The following MEGF8 variants were observed in gnomAD, a reference collection of about 807,000 sequenced individuals.
The protein encoded by MEGF8 is multiple EGF like domains 8, also known as multiple epidermal growth factor-like domains protein 8.
Under a neutral mutation model 302.9 loss-of-function variants are expected in MEGF8, and 156 were observed. The observed-to-expected ratio is 0.52, with a 90% CI of 0.45 to 0.59. The LOEUF (loss-of-function observed/expected upper bound fraction) is 0.59. MEGF8 is among the 20% of genes least tolerant of loss of function. MEGF8 has a pLI of 0.00. For missense variants in MEGF8, 3,345 were observed against 3,964.5 expected, an observed-to-expected ratio of 0.84 and a Z score of 4.20; for synonymous variants, 1,621 against 1,660.5, an observed-to-expected ratio of 0.98 and a Z score of 0.58.
chr19:42,333,920 C>G, intron 2 of MEGF8, 87 bp from the exon 3 acceptor site: 4 of 1,524,370 alleles, frequency 2.6e-6, no homozygotes, highest in Non-Finnish European at 3.6e-6. Flanking sequence ...CTGGGTCCCC[C>G]AGGGTGGAAG....
At chr19:42,341,404 G>A (rs1163844260) in intron 8 of MEGF8, among the ~76,000 whole-genome samples, 2 of 147,830 alleles carry the variant, frequency 1.4e-5, no homozygotes, top group Non-Finnish European at 3.0e-5. Context: ...ACTCCAGCCT[G>A]GGTAACAGAG....
intron 8 of MEGF8, among the ~76,000 whole-genome samples, chr19:42,338,825 A>ATTTTT (rs55994617): frequency 1.7e-4 from 8 of 47,160 alleles, no homozygotes; most frequent in Non-Finnish European, 2.2e-4. Flanking sequence ...CTTTCTATGT[A>ATTTTT]TTTTTTTTTT....
chr19:42,326,389 G>A lies in MEGF8; in HGVS notation c.146G>A (p.Gly49Asp). The part of the protein sequence containing the change: ...EAPGFVTDGA[G>D]NYSVNGNCEW... ...CCAGGCTTCGTGACGGATGGTGCGG[G>A]CAACTACAGCGTCAATGGCAACTGC... Residue 49 changes from glycine (G) to aspartate (D), a missense_variant, in exon 1 of 42, where the codon GGC becomes GAC. Physicochemically the swap from Gly to Asp is moderately conservative, Grantham distance 94 (BLOSUM62 -1). Coordinates refer to ENST00000251268, the MANE Select transcript of MEGF8 (RefSeq NM_001271938.2). The A allele has an allele frequency of 1.9e-6, 3 of 1,581,478 alleles. No homozygotes were observed. The highest frequency in any genetic ancestry group is 2.6e-6 in the Non-Finnish European group (3 of 1,166,860).
At position 42,356,591 on chromosome 19, in the gene MEGF8, A is replaced by G; in HGVS notation, c.4622+138A>G. 1.0e-6 allele frequency: 1 copy of G among 958,772 alleles called. No individual in the cohort carries two copies. The highest frequency in any genetic ancestry group is 1.5e-6 in the Non-Finnish European group (1 of 659,950). 59.4% of individuals were successfully genotyped at this position (958,772 alleles called of 1,614,324 possible). On this transcript the variant is annotated intron_variant, in intron 26 of 41. Coordinates refer to ENST00000251268, the MANE Select transcript of MEGF8 (RefSeq NM_001271938.2). This position sits in a 1 kb window ranked among gnomAD's most constrained non-coding sequence, Gnocchi z 5.2. Reference sequence around the variant, plus strand: ...AGGATGCTGGGACACTTGTCACAGGAAGCTCACCCGGGGACACTTGGGGAC... The same window carrying G: ...AGGATGCTGGGACACTTGTCACAGGGAGCTCACCCGGGGACACTTGGGGAC...
At position 42,357,372 on chromosome 19, in the gene MEGF8, C is replaced by T. The variant is rs778541121; in HGVS notation, c.4831-32C>T. 6.2e-7 allele frequency: 1 copy of T among 1,607,098 alleles called. No individual in the cohort carries two copies. The highest frequency in any genetic ancestry group is 1.1e-5 in the South Asian group (1 of 90,506). ...CACAAGGTGACCCCTGACCTCTAGC[C>T]CCATCGGTGACCTTGCCCCTCCATC... On this transcript the variant is annotated intron_variant, in intron 27 of 41. Transcript: ENST00000251268. This position sits in a 1 kb window ranked among gnomAD's most constrained non-coding sequence, Gnocchi z 5.2.
chr19:42,375,914 C>G lies in MEGF8; in HGVS notation c.7677C>G (p.Gly2559=), dbSNP rs759892500. ...GAGCAGGGGCCAGCAGTGGGCCGGG[C>G]GCCCCAGCAGAGCCACGGGTACGGG... ...PGGAGASSGP[G]APAEPRVREV... The change falls in exon 42 of 42, where the codon GGC becomes GGG. Residue 2559 remains glycine, a synonymous_variant. Coordinates refer to ENST00000251268, the MANE Select transcript of MEGF8 (RefSeq NM_001271938.2). The surrounding 1 kb of genome is among the most constrained non-coding windows in gnomAD (Gnocchi z 7.1). 1 of 1,598,436 alleles carries G rather than the reference C, an allele frequency of 6.3e-7. No individual in the cohort carries two copies. Among genetic ancestry groups the G allele is most frequent in the Non-Finnish European group, 8.5e-7 (1 of 1,172,132 alleles).
intron 41 of MEGF8, 42 bp downstream of exon 41, chr19:42,371,524 CT>C (rs1421473291): frequency 6.2e-7 from 1 of 1,611,736 alleles, no homozygotes; most frequent in Non-Finnish European, 8.5e-7. Flanking sequence ...GGCCCTACAC[CT>C]TGTGGAGGTC....
rs2039397891 is a variant in MEGF8 at position 42,352,953 on chromosome 19, G to A, written c.3376G>A (p.Val1126Met). The A allele has an allele frequency of 1.9e-6, 3 of 1,601,302 alleles. No homozygotes were observed. Among genetic ancestry groups the A allele is most frequent in the African/African-American group, 1.3e-5 (1 of 74,708 alleles). ...RTCLEDCGHG[V>M]CSGPPDFTCV... Reference sequence around the variant, plus strand: ...GTGCTTGGAGGACTGTGGCCATGGTGTGTGCAGTGGCCCCCCGGACTTTAC... The same window carrying A: ...GTGCTTGGAGGACTGTGGCCATGGTATGTGCAGTGGCCCCCCGGACTTTAC... Residue 1126 changes from valine to methionine, a missense_variant, in exon 20 of 42, where the codon GTG becomes ATG. By Grantham distance (21) the Val-to-Met change is conservative. Transcript: ENST00000251268. The surrounding 1 kb of genome is among the most constrained non-coding windows in gnomAD (Gnocchi z 4.4).
rs778888305 is a variant in MEGF8 at position 42,335,368 on chromosome 19, G to C, written c.811G>C (p.Asp271His). 1 of 1,613,844 alleles carries C rather than the reference G, an allele frequency of 6.2e-7. No homozygotes were observed. The highest frequency in any genetic ancestry group is 8.5e-7 in the Non-Finnish European group (1 of 1,179,872). ...NFSANTWESW[D>H]LSPAPAARHS... ...CTCCGCCAACACCTGGGAGTCTTGGGACCTGAGTCCTGCCCCGGTATGGAC... is the reference window on the plus strand; with the variant it reads ...CTCCGCCAACACCTGGGAGTCTTGGCACCTGAGTCCTGCCCCGGTATGGAC... The change falls in exon 5 of 42, where the codon GAC becomes CAC. Residue 271 changes from aspartate to histidine, a missense_variant. Coordinates refer to ENST00000251268, the MANE Select transcript of MEGF8 (RefSeq NM_001271938.2).
At chr19:42,347,621 T>C (rs187524125) in intron 12 of MEGF8, among the ~76,000 whole-genome samples, 13 of 152,258 alleles carry the variant, frequency 8.5e-5, no homozygotes, top group African/African-American at 3.1e-4. Context: ...GGCTCCCAAG[T>C]AGCTGGGATT....
chr19:42,350,862 C>A (rs2039359079), intron 15 of MEGF8, among the ~76,000 whole-genome samples: 1 of 152,140 alleles, frequency 6.6e-6, no homozygotes, highest in African/African-American at 2.4e-5. Context: ...ACAGAAGTCC[C>A]AGAATTGCAC....
At position 42,348,294 on chromosome 19, in the gene MEGF8, C is replaced by T; in HGVS notation, c.2120C>T (p.Thr707Ile). 6.5e-7 allele frequency: 1 copy of T among 1,537,510 alleles called. No individual in the cohort carries two copies. The highest frequency in any genetic ancestry group is 8.7e-7 in the Non-Finnish European group (1 of 1,146,904). The part of the protein sequence containing the change: ...PDKVSIVRST[T>I]ITLTPSAETD... ...CAGGTCTCAATTGTCCGCAGCACGA[C>T]CATCACCCTAACACCCAGCGCAGAG... The change falls in exon 13 of 42, where the codon ACC (threonine) becomes ATC (isoleucine). Residue 707 changes from threonine (T) to isoleucine (I), a missense_variant. Physicochemically the swap from Thr to Ile is moderately conservative, Grantham distance 89 (BLOSUM62 -1). Coordinates refer to ENST00000251268, the MANE Select transcript of MEGF8 (RefSeq NM_001271938.2).
Position 42,376,706 on chromosome 19 carries a change from TG to T in MEGF8, c.8472del (p.His2825MetfsTer11). ...GGGGTGGTGGGGGTGCTGGGGGCAG[TG>T]GGCATGGGACTGGTGCGGGCCGGAA... ...CGGGGGAGGS[G>X]HGTGAGRKGL... On this transcript the variant is annotated frameshift_variant, in exon 42 of 42. Transcript: ENST00000251268. LOFTEE classifies it high-confidence loss of function. The surrounding 1 kb of genome is among the most constrained non-coding windows in gnomAD (Gnocchi z 8.2). 1 of 1,505,372 alleles carries T rather than the reference TG, an allele frequency of 6.6e-7. No individual in the cohort carries two copies. Among genetic ancestry groups the T allele is most frequent in the Non-Finnish European group, 8.9e-7 (1 of 1,127,500 alleles). 93.3% of individuals were successfully genotyped at this position (1,505,372 alleles called of 1,614,324 possible). A position where few individuals can be genotyped will look rare whatever the true frequency, so the allele number is the denominator to read the frequency against.
chr19:42,349,302 G>GAAA (rs1268884391), intron 13 of MEGF8, among the ~76,000 whole-genome samples, 197 bp from the exon 14 acceptor site: 3 of 56,996 alleles, frequency 5.3e-5, no homozygotes, highest in Non-Finnish European at 8.1e-5. Context: ...CCTGTCTCAA[G>GAAA]AAAAAAAAAA....
At chr19:42,347,999 G>A (rs2039314597) in intron 12 of MEGF8, among the ~76,000 whole-genome samples, 1 of 152,226 alleles carries the variant, frequency 6.6e-6, no homozygotes, top group East Asian at 1.9e-4. Flanking sequence ...AGACACTGAA[G>A]TGTCCAGTCC....
chr19:42,332,655 C>G (rs758300451), intron 1 of MEGF8, among the ~76,000 whole-genome samples: 2 of 152,212 alleles, frequency 1.3e-5, no homozygotes, highest in Non-Finnish European at 2.9e-5. Context: ...TGTGAGCCAC[C>G]GTGCCCAGCC....
At position 42,353,541 on chromosome 19, in the gene MEGF8, G is replaced by A. The variant is rs1303994484; in HGVS notation, c.3627G>A (p.Arg1209=). The A allele has an allele frequency of 6.2e-7, 1 of 1,606,300 alleles. No homozygotes were observed. Among genetic ancestry groups the A allele is most frequent in the South Asian group, 1.1e-5 (1 of 90,060 alleles). The change falls in exon 21 of 42, where the codon CGG becomes CGA. Residue 1209 remains arginine, a synonymous_variant. Coordinates refer to ENST00000251268, the MANE Select transcript of MEGF8 (RefSeq NM_001271938.2). This position sits in a 1 kb window ranked among gnomAD's most constrained non-coding sequence, Gnocchi z 6.1. ...ACGCCACAGGCTCTAGGGGCTGCCG[G>A]CCCTGCCAGTGCAACGGGCACGGGG... The part of the protein sequence containing the change: ...FGNATGSRGC[R]PCQCNGHGDP...
Position 42,326,309 on chromosome 19 carries a change from C to G in MEGF8, c.66C>G (p.Ser22=). The change falls in exon 1 of 42, where the codon TCC becomes TCG. Residue 22 remains serine, a synonymous_variant. Coordinates refer to ENST00000251268, the MANE Select transcript of MEGF8 (RefSeq NM_001271938.2). ...VLALAVLGSL[S]PGARAGDCKG... is the part of the protein sequence containing the mutation. ...CCTTGGCCGTGCTGGGGTCGCTGTCCCCTGGGGCCCGGGCGGGGGACTGCA... is the reference window on the plus strand; with the variant it reads ...CCTTGGCCGTGCTGGGGTCGCTGTCGCCTGGGGCCCGGGCGGGGGACTGCA... 1 of 1,562,626 alleles carries G rather than the reference C, an allele frequency of 6.4e-7. No individual in the cohort carries two copies. The highest frequency in any genetic ancestry group is 8.6e-7 in the Non-Finnish European group (1 of 1,161,598).
Position 42,334,991 on chromosome 19 carries a change from T to C in MEGF8, c.559-44T>C, listed in dbSNP as rs768716917. 5 of 1,562,376 alleles carry C rather than the reference T, an allele frequency of 3.2e-6. No individual in the cohort carries two copies. The East Asian group carries it at 1.1e-4, about 35-fold the overall frequency. Reference sequence around the variant, plus strand: ...TGTCTCCTTTGTCTCTCTGTCCTTGTCTCTCCCTCTCTTATCTCTGCCTTT... The same window carrying C: ...TGTCTCCTTTGTCTCTCTGTCCTTGCCTCTCCCTCTCTTATCTCTGCCTTT... On this transcript the variant is annotated intron_variant, in intron 3 of 41. Coordinates refer to ENST00000251268, the MANE Select transcript of MEGF8 (RefSeq NM_001271938.2).
Sources: allele counts gnomAD v4.1 joint callset (sites outside exome capture counted in the v4.1 genomes callset), GRCh38; gene constraint gnomAD v4.1.1; non-coding constraint Gnocchi (gnomAD v3.1); transcripts MANE v1.5; gene names NCBI Gene and HGNC (gene_info 2026-07-23, HGNC 2026-07-21).